Variants in SCHIP1 observed in about 807,000 individuals in gnomAD.
SCHIP1 encodes the protein schwannomin interacting protein 1.
Under a neutral mutation model 29.7 loss-of-function variants are expected in SCHIP1, and 8 were observed. That is an observed-to-expected ratio of 0.27 (90% CI 0.16 to 0.49). The LOEUF (loss-of-function observed/expected upper bound fraction) is 0.49, where lower values mean the gene tolerates loss of function less well. Ranked by LOEUF, SCHIP1 falls within the 20% of genes least tolerant of loss-of-function variation. The probability of loss-of-function intolerance (pLI) is 0.99; values close to 1 mark genes in which losing one functional copy is unlikely to be tolerated. For missense variants in SCHIP1, 193 were observed against 294.6 expected (o/e 0.66, Z 2.52); for synonymous variants, 76 against 94.9 (o/e 0.80, Z 1.16).
At chr3:159,764,567 C>T in the SCHIP1 span, 1 of 1,604,028 alleles carries the variant, frequency 6.2e-7, no homozygotes, top group Non-Finnish European at 8.5e-7. This position sits in a 1 kb window ranked among gnomAD's most constrained non-coding sequence, Gnocchi z 6.1. Context: ...TCTTCATCGT[C>T]GCCGGGGGGC....
chr3:159,785,781 AACATCCAGGGTACCC>A, the SCHIP1 span, among the ~76,000 whole-genome samples: 12 of 152,172 alleles, frequency 7.9e-5, no homozygotes, highest in African/African-American at 2.9e-4. Context: ...GTTTTAGCAA[AACATCCAGGGTACCC>A]ACTGAATGCT....
the SCHIP1 span, among the ~76,000 whole-genome samples, chr3:159,477,805 C>G: frequency 6.6e-6 from 1 of 151,928 alleles, no homozygotes; most frequent in African/African-American, 2.4e-5. Flanking sequence ...TCTATTTTTG[C>G]CTTTGTCATC....
the SCHIP1 span, among the ~76,000 whole-genome samples, chr3:159,540,184 G>A: frequency 6.6e-6 from 1 of 151,860 alleles, no homozygotes; most frequent in Non-Finnish European, 1.5e-5. Flanking sequence ...CATCAAAGAG[G>A]GAAAGAGGCC....
At chr3:159,694,394 C>T in the SCHIP1 span, among the ~76,000 whole-genome samples, 1 of 152,066 alleles carries the variant, frequency 6.6e-6, no homozygotes, top group South Asian at 2.1e-4. Context: ...GTGGCGGGTG[C>T]CTGTAATCCC....
chr3:159,544,792 T>C, the SCHIP1 span, among the ~76,000 whole-genome samples: 1 of 152,122 alleles, frequency 6.6e-6, no homozygotes, highest in Non-Finnish European at 1.5e-5. Flanking sequence ...TCCCATAATG[T>C]AGATTGCCTT....
At chr3:159,592,606 A>G in the SCHIP1 span, among the ~76,000 whole-genome samples, 1 of 151,468 alleles carries the variant, frequency 6.6e-6, no homozygotes, top group East Asian at 1.9e-4. Context: ...GCTTGCCTGT[A>G]GTTGGAGGAC....
At chr3:159,519,543 T>A in the SCHIP1 span, among the ~76,000 whole-genome samples, 32 of 152,320 alleles carry the variant, frequency 2.1e-4, no homozygotes, top group South Asian at 6.6e-3. Context: ...ACTGCTGCAC[T>A]CATTTCCAAA....
At chr3:159,720,728 G>A in the SCHIP1 span, among the ~76,000 whole-genome samples, 1 of 152,046 alleles carries the variant, frequency 6.6e-6, no homozygotes, top group Non-Finnish European at 1.5e-5. Context: ...AGGATTACAG[G>A]CACCTGCCAG....
At chr3:159,496,784 T>C in the SCHIP1 span, among the ~76,000 whole-genome samples, 1 of 152,182 alleles carries the variant, frequency 6.6e-6, no homozygotes, top group Non-Finnish European at 1.5e-5. Flanking sequence ...TAAATCATGC[T>C]GCTATAAAGA....
At chr3:159,617,988 A>C in the SCHIP1 span, among the ~76,000 whole-genome samples, 1 of 152,190 alleles carries the variant, frequency 6.6e-6, no homozygotes, top group African/African-American at 2.4e-5. Context: ...TAATTTGGAC[A>C]TGTGAAAAAC....
chr3:159,560,474 G>A, the SCHIP1 span, among the ~76,000 whole-genome samples: 3 of 152,130 alleles, frequency 2.0e-5, no homozygotes, highest in Admixed American at 6.6e-5. Flanking sequence ...TGTCCAACAC[G>A]TGATCTTTGC....
chr3:159,338,825 T>G, the SCHIP1 span, among the ~76,000 whole-genome samples: 1 of 152,170 alleles, frequency 6.6e-6, no homozygotes, highest in Non-Finnish European at 1.5e-5. Context: ...AATGTTTGGA[T>G]CTCACCAAAT....
chr3:159,550,556 G>A, the SCHIP1 span, among the ~76,000 whole-genome samples: 12,340 of 152,022 alleles, frequency 0.081, 640 homozygotes, highest in South Asian at 0.13. Flanking sequence ...TGTTTGCATG[G>A]CATTAATTTC....
At chr3:159,573,718 C>G in the SCHIP1 span, among the ~76,000 whole-genome samples, 393 of 152,264 alleles carry the variant, frequency 2.6e-3, 2 homozygotes, top group Non-Finnish European at 4.5e-3. Flanking sequence ...CATCTTGGTT[C>G]CATTCTCCTC....
At chr3:159,473,520 T>C in the SCHIP1 span, among the ~76,000 whole-genome samples, 1 of 151,840 alleles carries the variant, frequency 6.6e-6, no homozygotes, top group Non-Finnish European at 1.5e-5. Context: ...CAGGAAAATA[T>C]ATCCTTTGGG....
At chr3:159,753,744 T>G in the SCHIP1 span, among the ~76,000 whole-genome samples, 1 of 152,220 alleles carries the variant, frequency 6.6e-6, no homozygotes, top group Non-Finnish European at 1.5e-5. Flanking sequence ...AGGATAAAGA[T>G]CTTAGTTGCA....
chr3:159,709,975 A>G, the SCHIP1 span, among the ~76,000 whole-genome samples: 1 of 152,228 alleles, frequency 6.6e-6, no homozygotes, highest in South Asian at 2.1e-4. Flanking sequence ...GAACCCTTGC[A>G]CACTATTGGT....
intron 1 of SCHIP1, among the ~76,000 whole-genome samples, chr3:159,851,579 A>G (rs536745221): frequency 2.7e-5 from 4 of 148,680 alleles, no homozygotes; most frequent in South Asian, 2.2e-4. Flanking sequence ...ATGCCAGGTA[A>G]GAAGATGCAT....
the SCHIP1 span, among the ~76,000 whole-genome samples, chr3:159,355,532 C>T: frequency 6.6e-6 from 1 of 152,046 alleles, no homozygotes; most frequent in African/African-American, 2.4e-5. Context: ...AATTGATTTC[C>T]TCAGATGCAT....
Sources: gnomAD v4.1 joint callset for allele counts (sites outside exome capture counted in the v4.1 genomes callset) on GRCh38, gnomAD v4.1.1 for gene constraint, Gnocchi (gnomAD v3.1) non-coding constraint, MANE v1.5 for transcripts, NCBI Gene and HGNC (gene_info 2026-07-23, HGNC 2026-07-21) for gene names.